The following SPEG variants were observed in gnomAD, a reference collection of about 807,000 sequenced individuals.
SPEG encodes striated muscle enriched protein kinase, also known as striated muscle preferentially expressed protein kinase.
SPEG carries 114 observed loss-of-function variants against 300.4 expected under a neutral mutation model. The observed-to-expected ratio is 0.38, with a 90% CI of 0.33 to 0.44. The LOEUF is 0.44. Among genes scored for constraint, SPEG ranks in the 20% least tolerant of loss-of-function variants. The pLI, the probability that SPEG is intolerant of heterozygous loss-of-function variation, is 1.00. For missense variants in SPEG, 4,201 were observed against 4,586.2 expected (o/e 0.92, Z 2.43); for synonymous variants, 1,964 against 2,018.9 (o/e 0.97, Z 0.73).
chr2:219,447,477 T>G (rs1165360277), intron 3 of SPEG, among the ~76,000 whole-genome samples: 1 of 151,698 alleles, frequency 6.6e-6, no homozygotes, highest in Admixed American at 6.6e-5. Flanking sequence ...GGCTGTTGCT[T>G]GGCTTCCAGG....
intron 10 of SPEG, 75 bp downstream of exon 10, chr2:219,467,509 A>G: frequency 1.3e-6 from 2 of 1,510,434 alleles, no homozygotes; most frequent in South Asian, 1.3e-5. Flanking sequence ...GTGTACAGTA[A>G]GATGCCTGGG....
chr2:219,489,232 TG>T lies in SPEG; in HGVS notation c.8317+13del. The T allele has an allele frequency of 6.2e-7, 1 of 1,613,508 alleles. No homozygotes were observed. The highest frequency in any genetic ancestry group is 8.5e-7 in the Non-Finnish European group (1 of 1,179,708). The stretch of plus-strand genomic sequence containing the variant: ...TCAGGGGTACTCAAGGTCAGTGCAA[TG>T]GTATGGGGTGGGAGGAGGAAGGGGG... On this transcript the variant is annotated intron_variant, in intron 35 of 40. Transcript: ENST00000312358.
At position 219,465,909 on chromosome 2, in the gene SPEG, A is replaced by G. The variant is rs550220410; in HGVS notation, c.2882-1265A>G. The G allele has an allele frequency of 6.6e-4, 446 of 679,804 alleles. 2 individuals are homozygous for G. In the African/African-American group the frequency reaches 7.5e-3, roughly 11 times the overall value. 42.1% of individuals were successfully genotyped at this position (679,804 alleles called of 1,614,324 possible). A position where few individuals can be genotyped will look rare whatever the true frequency, so the allele number is the denominator to read the frequency against. ...TGCATGTGTGCGTATGGGTGTGTGC[A>G]TGCGTGTGTGTGTGCGCGCGTGTGC... On this transcript the variant is annotated intron_variant, in intron 9 of 40. Coordinates refer to ENST00000312358, the MANE Select transcript of SPEG (RefSeq NM_005876.5).
Position 219,483,111 on chromosome 2 carries a change from G to A in SPEG, c.5648G>A (p.Ser1883Asn). ...SRRRWQRSQISYKCHLVLRPI... is the reference protein window; with the variant it reads ...SRRRWQRSQINYKCHLVLRPI... ...CCCTGTCTCCAGCGCTCCCAGATCA[G>A]CTACAAATGCCACCTGGTGCTGCGC... Residue 1883 changes from serine (S) to asparagine (N), a missense_variant, in exon 30 of 41, where the codon AGC becomes AAC. Transcript: ENST00000312358. 6.2e-7 allele frequency: 1 copy of A among 1,607,210 alleles called. No individual in the cohort carries two copies. The highest frequency in any genetic ancestry group is 8.5e-7 in the Non-Finnish European group (1 of 1,179,248).
chr2:219,475,643 CT>C lies in SPEG; in HGVS notation c.4448-1226del, dbSNP rs1376980934. On this transcript the variant is annotated intron_variant, in intron 18 of 40. Transcript: ENST00000312358. The stretch of plus-strand genomic sequence containing the variant: ...ACTCCTTGACAGTCCATCTTCAGGA[CT>C]CACCTTTCTTCCCAGATATAGGAGG... 4.6e-5 allele frequency among the ~76,000 whole-genome samples: 7 copies of C among 152,350 alleles called. No individual in the cohort carries two copies. The South Asian group carries it at 1.4e-3, about 32-fold the overall frequency.
chr2:219,460,833 C>G (rs1334642300), intron 6 of SPEG: 1 of 986,034 alleles, frequency 1.0e-6, no homozygotes, highest in Non-Finnish European at 1.2e-6. Flanking sequence ...AGGGCCTCAG[C>G]TGGGTCAGCC....
Position 219,467,493 on chromosome 2 carries a change from C to G in SPEG, c.3142+59C>G, listed in dbSNP as rs1575118129. ...GTGCCCAAGAGCTGGAGGGAGGGGA[C>G]TGGGGGTGTACAGTAAGATGCCTGG... is the stretch of plus-strand genomic sequence containing the variant. On this transcript the variant is annotated intron_variant, in intron 10 of 40. Transcript: ENST00000312358. 7.1e-6 allele frequency: 11 copies of G among 1,546,988 alleles called. No individual in the cohort carries two copies. The East Asian group carries it at 2.5e-4, about 35-fold the overall frequency.
rs558496997 is a variant in SPEG, at chr2:219,488,711, G to A, written c.8026+46G>A. The stretch of plus-strand genomic sequence containing the variant: ...CAGGGGGGTAGTGATGGGGATGGTG[G>A]GACAGGGCTTGAGGGGTTCTTAGCT... On this transcript the variant is annotated intron_variant, in intron 33 of 40. Transcript: ENST00000312358. 24 of 1,607,018 alleles carry A rather than the reference G, an allele frequency of 1.5e-5. 1 individual carries two copies. The South Asian group carries it at 2.1e-4, about 14-fold the overall frequency.
chr2:219,473,449 G>A lies in SPEG; in HGVS notation c.4148-55G>A. The A allele has an allele frequency of 6.4e-7, 1 of 1,557,186 alleles. No homozygotes were observed. Among genetic ancestry groups the A allele is most frequent in the Non-Finnish European group, 8.8e-7 (1 of 1,132,042 alleles). ...ATGAGGGGTGTTAGAGGAGTGGTGG[G>A]TGCTGAGGACCTGATGTCAAGCCCA... On this transcript the variant is annotated intron_variant, in intron 16 of 40. Coordinates refer to ENST00000312358, the MANE Select transcript of SPEG (RefSeq NM_005876.5). The surrounding 1 kb of genome is among the most constrained non-coding windows in gnomAD (Gnocchi z 4.6).
At position 219,451,655 on chromosome 2, in the gene SPEG, G is replaced by A. The variant is rs571099059; in HGVS notation, c.2288G>A (p.Arg763His). The A allele has an allele frequency of 1.3e-5, 21 of 1,587,318 alleles. No homozygotes were observed. The Admixed American group carries it at 1.9e-4, about 14-fold the overall frequency. The part of the protein sequence containing the change: ...VSWHKDGSAL[R>H]SEGRLLLRAE... Reference sequence around the variant, plus strand: ...TGGCACAAGGATGGGTCAGCGCTGCGCAGCGAGGGCCGCCTCCTCCTCCGG... The same window carrying A: ...TGGCACAAGGATGGGTCAGCGCTGCACAGCGAGGGCCGCCTCCTCCTCCGG... The change falls in exon 6 of 41, where the codon CGC becomes CAC. Residue 763 changes from arginine to histidine, a missense_variant. By Grantham distance (29) the Arg-to-His change is conservative. This residue lies in a region of SPEG where 1,258 missense variants were observed against 1,293.9 expected (regional missense o/e 0.97). Coordinates refer to ENST00000312358, the MANE Select transcript of SPEG (RefSeq NM_005876.5). The surrounding 1 kb of genome is among the most constrained non-coding windows in gnomAD (Gnocchi z 6.4).
intron 18 of SPEG, among the ~76,000 whole-genome samples, chr2:219,476,156 T>G (rs1198225382): frequency 1.9e-5 from 2 of 102,968 alleles, no homozygotes; most frequent in Non-Finnish European, 2.6e-5. Context: ...GACCATGTGA[T>G]ATGTATGGAG....
At position 219,465,892 on chromosome 2, in the gene SPEG, T is replaced by G. The variant is rs894351615; in HGVS notation, c.2882-1282T>G. ...GCGTGTGTGCGTGCGTGTGCATGTG[T>G]GCGTATGGGTGTGTGCATGCGTGTG... On this transcript the variant is annotated intron_variant, in intron 9 of 40. Transcript: ENST00000312358. The G allele has an allele frequency of 4.7e-6, 3 of 639,866 alleles. No individual in the cohort carries two copies. In the Admixed American group the frequency reaches 7.1e-5, roughly 15 times the overall value. The allele number at this position is 639,866 out of a possible 1,614,324, so 39.6% of individuals were successfully genotyped here.
In SPEG at chr2:219,442,004, G is replaced by A. The variant is rs780516016; in HGVS notation, c.389-2649G>A. The A allele has an allele frequency of 3.7e-3, 1,644 of 439,388 alleles. 5 individuals are homozygous for A. The highest frequency in any genetic ancestry group is 5.2e-3 in the Non-Finnish European group (1,482 of 285,326). 27.2% of individuals were successfully genotyped at this position (439,388 alleles called of 1,614,324 possible). ...CCGCCTCCGACTCCGCCCCGCCCCC[G>A]CCCGTCCCCTCCTCGCCCGGCCGCC... On this transcript the variant is annotated intron_variant, in intron 1 of 40. Transcript: ENST00000312358.
At position 219,480,729 on chromosome 2, in the gene SPEG, T is replaced by C. The variant is rs1308118802; in HGVS notation, c.5369+32T>C. ...ACCCCTCTGCAATGTCCCAGCAGTCTCCTGGCAGGTCTACCCCTAACCTTT... is the reference window on the plus strand; with the variant it reads ...ACCCCTCTGCAATGTCCCAGCAGTCCCCTGGCAGGTCTACCCCTAACCTTT... On this transcript the variant is annotated intron_variant, in intron 26 of 40. Transcript: ENST00000312358. This position sits in a 1 kb window ranked among gnomAD's most constrained non-coding sequence, Gnocchi z 5.3. 6.2e-7 allele frequency: 1 copy of C among 1,610,170 alleles called. No homozygotes were observed. Among genetic ancestry groups the C allele is most frequent in the Non-Finnish European group, 8.5e-7 (1 of 1,176,544 alleles).
rs1692591421 is a variant in SPEG at position 219,479,041 on chromosome 2, G to A, written c.5028-103G>A. ...GTCTCTGGCTAGTATCAAGCATTCTGTAAGGGGAAGGAGAACCCCGTGCTG... is the reference window on the plus strand; with the variant it reads ...GTCTCTGGCTAGTATCAAGCATTCTATAAGGGGAAGGAGAACCCCGTGCTG... On this transcript the variant is annotated intron_variant, in intron 22 of 40. Coordinates refer to ENST00000312358, the MANE Select transcript of SPEG (RefSeq NM_005876.5). The surrounding 1 kb of genome is among the most constrained non-coding windows in gnomAD (Gnocchi z 5.5). 17 of 996,984 alleles carry A rather than the reference G, an allele frequency of 1.7e-5. No individual in the cohort carries two copies. Among genetic ancestry groups the A allele is most frequent in the Non-Finnish European group, 6.2e-6 (4 of 642,718 alleles). 61.8% of individuals were successfully genotyped at this position (996,984 alleles called of 1,614,324 possible).
Position 219,444,814 on chromosome 2 carries a change from C to G in SPEG, c.479-11C>G. 6.2e-7 allele frequency: 1 copy of G among 1,603,424 alleles called. No individual in the cohort carries two copies. The highest frequency in any genetic ancestry group is 8.5e-7 in the Non-Finnish European group (1 of 1,173,864). On this transcript the variant is annotated splice_polypyrimidine_tract_variant and intron_variant, in intron 2 of 40. Transcript: ENST00000312358. This position sits in a 1 kb window ranked among gnomAD's most constrained non-coding sequence, Gnocchi z 7.8. ...AGGGGTGCCTCAGTCTCACGGTGCT[C>G]CTTTCTCTAGGGGGTTCTGACACCC... is the stretch of plus-strand genomic sequence containing the variant.
Position 219,479,344 on chromosome 2 carries a change from A to G in SPEG, c.5085+143A>G. 1.5e-6 allele frequency: 1 copy of G among 675,896 alleles called. No individual in the cohort carries two copies. Among genetic ancestry groups the G allele is most frequent in the Non-Finnish European group, 2.7e-6 (1 of 372,686 alleles). 41.9% of individuals were successfully genotyped at this position (675,896 alleles called of 1,614,324 possible). A position where few individuals can be genotyped will look rare whatever the true frequency, so the allele number is the denominator to read the frequency against. ...AGGTGGAGAGCACTGTTAGGTAGGC[A>G]GCAGAGTCCCCACCCAATGATACCA... is the stretch of plus-strand genomic sequence containing the variant. On this transcript the variant is annotated intron_variant, in intron 23 of 40. Coordinates refer to ENST00000312358, the MANE Select transcript of SPEG (RefSeq NM_005876.5). The surrounding 1 kb of genome is among the most constrained non-coding windows in gnomAD (Gnocchi z 5.5).
chr2:219,471,724 CTGCCCCATCCT>C (rs1223236609), intron 13 of SPEG, 133 bp from the exon 14 acceptor site: 36 of 985,298 alleles, frequency 3.7e-5, no homozygotes, highest in East Asian at 7.7e-5. Flanking sequence ...TTCTTGCTGC[CTGCCCCATCCT>C]TGCCCCATCC....
Position 219,458,582 on chromosome 2 carries a change from C to T in SPEG, c.2441-3300C>T, listed in dbSNP as rs1280730631. On this transcript the variant is annotated intron_variant, in intron 6 of 40. Coordinates refer to ENST00000312358, the MANE Select transcript of SPEG (RefSeq NM_005876.5). The surrounding 1 kb of genome is among the most constrained non-coding windows in gnomAD (Gnocchi z 4.2). ...CACTGCCATAGAGTTAGAGATTGTG[C>T]CCAAGATGGGAGACCAGGTCATGCC... Among the ~76,000 whole-genome samples the T allele has an allele frequency of 6.6e-6, 1 of 152,098 alleles. No individual in the cohort carries two copies. Among genetic ancestry groups the T allele is most frequent in the Non-Finnish European group, 1.5e-5 (1 of 68,018 alleles).
Sources: allele counts gnomAD v4.1 joint callset (sites outside exome capture counted in the v4.1 genomes callset), GRCh38; gene constraint gnomAD v4.1.1; regional missense constraint gnomAD v4.1.1; non-coding constraint Gnocchi (gnomAD v3.1); transcripts MANE v1.5; gene names NCBI Gene and HGNC (gene_info 2026-07-23, HGNC 2026-07-21).